The following CLIC5 variants were observed in gnomAD, a reference collection of about 807,000 sequenced individuals.
CLIC5 encodes CLIC family member 5, also known as chloride intracellular channel protein 5.
CLIC5 carries 20 observed loss-of-function variants against 24.7 expected under a neutral mutation model. The ratio of observed to expected loss-of-function variants is 0.81; its 90% confidence interval spans 0.57 to 1.18. CLIC5 has a LOEUF of 1.18. Among genes scored for constraint, CLIC5 ranks in the 50% most tolerant of loss-of-function variants. CLIC5 has a pLI of 0.00. For missense variants in CLIC5, 341 were observed against 326.1 expected (o/e 1.05, Z -0.35); for synonymous variants, 159 against 135.6 (o/e 1.17, Z -1.20).
intron 3 of CLIC5, among the ~76,000 whole-genome samples, chr6:45,943,875 CT>C (rs1223283647): frequency 6.6e-6 from 1 of 152,118 alleles, no homozygotes; most frequent in Non-Finnish European, 1.5e-5. Flanking sequence ...GAGCTTTGTT[CT>C]TGTGGGAAGT....
chr6:46,009,350 A>T (rs948749213), intron 1 of CLIC5, among the ~76,000 whole-genome samples: 1 of 152,160 alleles, frequency 6.6e-6, no homozygotes, highest in Admixed American at 6.5e-5. Context: ...CTTGAAAGAA[A>T]AGACACGTTT....
At chr6:46,115,150 C>T in the CLIC5 span, among the ~76,000 whole-genome samples, 3 of 152,200 alleles carry the variant, frequency 2.0e-5, no homozygotes, top group East Asian at 1.9e-4. Flanking sequence ...AACCATGATG[C>T]TAAGAGTAAT....
At chr6:45,889,538 AT>A (rs1762331972) in intron 6 of CLIC5, among the ~76,000 whole-genome samples, 1 of 152,218 alleles carries the variant, frequency 6.6e-6, no homozygotes, top group East Asian at 1.9e-4. Flanking sequence ...CAGTAAGGGT[AT>A]ATATTTGCAT....
chr6:46,002,604 T>C (rs534749833), intron 1 of CLIC5, among the ~76,000 whole-genome samples: 49 of 152,292 alleles, frequency 3.2e-4, no homozygotes, highest in African/African-American at 1.1e-3. Flanking sequence ...AGATAATGTG[T>C]CAGCTGGGGC....
At chr6:46,062,757 C>T (rs1272648719) in intron 1 of CLIC5, among the ~76,000 whole-genome samples, 2 of 152,152 alleles carry the variant, frequency 1.3e-5, no homozygotes, top group Admixed American at 1.3e-4. Flanking sequence ...AATTCATGCA[C>T]AAATAGATTC....
At chr6:45,887,388 T>G (rs73456745) in intron 6 of CLIC5, among the ~76,000 whole-genome samples, 2,271 of 152,300 alleles carry the variant, frequency 0.015, 52 homozygotes, top group African/African-American at 0.051. Flanking sequence ...TTTCTACCTC[T>G]GTCTTCACAC....
At chr6:46,094,317 A>C in the CLIC5 span, among the ~76,000 whole-genome samples, 12 of 152,304 alleles carry the variant, frequency 7.9e-5, no homozygotes, top group African/African-American at 2.6e-4. Flanking sequence ...CCTTCCTAAC[A>C]ATTGCCCAAA....
chr6:45,895,169 A>T (rs1468819661), downstream of CLIC5, among the ~76,000 whole-genome samples: 2 of 152,166 alleles, frequency 1.3e-5, no homozygotes, highest in Non-Finnish European at 2.9e-5. Context: ...AATTTTCCCT[A>T]ATGAACCTAT....
intron 1 of CLIC5, among the ~76,000 whole-genome samples, chr6:46,034,593 C>A (rs1223078043): frequency 6.6e-6 from 1 of 152,092 alleles, no homozygotes; most frequent in Admixed American, 6.6e-5. Flanking sequence ...CAGAACAAGA[C>A]CCTGTCTCTT....
intron 1 of CLIC5, among the ~76,000 whole-genome samples, chr6:45,967,482 C>T (rs1765054121): frequency 6.6e-6 from 1 of 152,148 alleles, no homozygotes; most frequent in Admixed American, 6.5e-5. Context: ...ATGTGAGCCT[C>T]AAAGGTAAGA....
chr6:46,118,196 T>G, the CLIC5 span, among the ~76,000 whole-genome samples: 1 of 152,260 alleles, frequency 6.6e-6, no homozygotes, highest in South Asian at 2.1e-4. Flanking sequence ...TTTATGCTGC[T>G]GCTTTGTTGA....
intron 5 of CLIC5, chr6:45,912,869 T>C: frequency 3.0e-6 from 2 of 673,430 alleles, no homozygotes; most frequent in Non-Finnish European, 5.3e-6. Context: ...CTTTTCTAAA[T>C]AGGTTGTATT....
intron 1 of CLIC5, among the ~76,000 whole-genome samples, chr6:46,064,999 C>A (rs1762401893): frequency 6.6e-6 from 1 of 151,952 alleles, no homozygotes; most frequent in Admixed American, 6.6e-5. Flanking sequence ...AAAAGTCAGG[C>A]CATACTTATA....
At chr6:46,084,001 G>C (rs1762979400), upstream of CLIC5, among the ~76,000 whole-genome samples, 1 of 152,222 alleles carries the variant, frequency 6.6e-6, no homozygotes, top group Non-Finnish European at 1.5e-5. Context: ...AGCTCTTGTT[G>C]TTGAATTGAT....
the CLIC5 span, among the ~76,000 whole-genome samples, chr6:46,090,176 A>C: frequency 2.0e-5 from 3 of 152,262 alleles, no homozygotes; most frequent in Non-Finnish European, 4.4e-5. Flanking sequence ...GGCAGATAAT[A>C]CAATAAAAAT....
At chr6:46,005,141 G>GT (rs1322884214) in intron 1 of CLIC5, among the ~76,000 whole-genome samples, 1 of 152,214 alleles carries the variant, frequency 6.6e-6, no homozygotes, top group East Asian at 1.9e-4. Flanking sequence ...CAAATTGGAT[G>GT]TTTAAGAGAA....
At chr6:46,126,370 T>G in the CLIC5 span, among the ~76,000 whole-genome samples, 1 of 152,210 alleles carries the variant, frequency 6.6e-6, no homozygotes, top group Non-Finnish European at 1.5e-5. Flanking sequence ...AGCACATTGC[T>G]CTCCACATAG....
intron 6 of CLIC5, chr6:45,883,615 A>C (rs1762280868): frequency 1.3e-5 from 2 of 152,344 alleles, no homozygotes; most frequent in Non-Finnish European, 2.9e-5. Flanking sequence ...CCCTCAGAAA[A>C]AAGCAAAACA....
chr6:45,916,794 T>G (rs1763048699), intron 4 of CLIC5, among the ~76,000 whole-genome samples: 1 of 152,212 alleles, frequency 6.6e-6, no homozygotes, highest in Non-Finnish European at 1.5e-5. Flanking sequence ...TGATTCATGT[T>G]GCAACTGTGA....
Sources: allele counts gnomAD v4.1 joint callset (sites outside exome capture counted in the v4.1 genomes callset), GRCh38; gene constraint gnomAD v4.1.1; transcripts MANE v1.5; gene names NCBI Gene and HGNC (gene_info 2026-07-23, HGNC 2026-07-21).